EIF5B: variants seen among roughly 807,000 people sequenced by gnomAD.
EIF5B encodes eukaryotic translation initiation factor 5B.
A neutral mutation model predicts 147.5 loss-of-function variants in EIF5B; 47 were observed. The ratio of observed to expected loss-of-function variants is 0.32; its 90% CI spans 0.25 to 0.41. The LOEUF is 0.41. Ranked by LOEUF, EIF5B falls within the 10% of genes least tolerant of loss-of-function variation. EIF5B has a pLI of 1.00. For missense variants in EIF5B, 1,064 were observed against 1,413.2 expected (o/e 0.75, Z 3.96); for synonymous variants, 455 against 456.2 (o/e 1.00, Z 0.03).
At chr2:99,380,519 G>C (rs535602004) in intron 12 of EIF5B, among the ~76,000 whole-genome samples, 2 of 152,308 alleles carry the variant, frequency 1.3e-5, no homozygotes, top group South Asian at 4.1e-4. Context: ...CATTCATGCT[G>C]TCTGATATAG....
Position 99,368,667 on chromosome 2 carries a change from G to T in EIF5B, c.1387+76G>T, listed in dbSNP as rs1442459126. On this transcript the variant is annotated intron_variant, in intron 7 of 23. Transcript: ENST00000289371. ...CCCCACAATCTTCAAAACAGTGTCT[G>T]TAAAGAAGAAAGGAAAAAATCCGAA... 3.4e-6 allele frequency: 4 copies of T among 1,174,206 alleles called. No homozygotes were observed. The African/African-American group carries it at 6.3e-5, about 18-fold the overall frequency. 72.7% of individuals were successfully genotyped at this position (1,174,206 alleles called of 1,614,324 possible).
At chr2:99,349,369 C>T (rs1210898973) in intron 1 of EIF5B, among the ~76,000 whole-genome samples, 2 of 152,162 alleles carry the variant, frequency 1.3e-5, no homozygotes, top group Non-Finnish European at 1.5e-5. Context: ...ACATTCATTA[C>T]ACAAGTTTTC....
chr2:99,389,915 G>A, intron 15 of EIF5B, 66 bp downstream of exon 15: 1 of 1,502,358 alleles, frequency 6.7e-7, no homozygotes, highest in South Asian at 1.4e-5. Context: ...TCTTTATAAT[G>A]AAGTCAGCAT....
At chr2:99,376,182 AGTGTTAGT>A (rs1372047314) in intron 9 of EIF5B, among the ~76,000 whole-genome samples, 157 bp from the exon 10 acceptor site, 3 of 151,978 alleles carry the variant, frequency 2.0e-5, no homozygotes, top group African/African-American at 4.8e-5. Context: ...AGCTATTGTT[AGTGTTAGT>A]GTGTTAGTGT....
At chr2:99,379,508 G>A in intron 12 of EIF5B, 80 bp downstream of exon 12, 1 of 1,115,120 alleles carries the variant, frequency 9.0e-7, no homozygotes, top group Non-Finnish European at 1.3e-6. Flanking sequence ...AAAAAGGACA[G>A]AGACTAGGAT....
At position 99,343,670 on chromosome 2, in the gene EIF5B, C is replaced by T. The variant is rs186310320; in HGVS notation, c.35+6081C>T. Among the ~76,000 whole-genome samples, 159 of 151,622 alleles carry T rather than the reference C, an allele frequency of 1.0e-3. 1 individual carries two copies. The highest frequency in any genetic ancestry group is 3.7e-3 in the African/African-American group (155 of 41,378). Reference sequence around the variant, plus strand: ...TACTACTAAAAATACAAAAATTAGTCGGGTGTGGTAGCACGCGCCTGTAGT... The same window carrying T: ...TACTACTAAAAATACAAAAATTAGTTGGGTGTGGTAGCACGCGCCTGTAGT... On this transcript the variant is annotated intron_variant, in intron 1 of 23. Coordinates refer to ENST00000289371, the MANE Select transcript of EIF5B (RefSeq NM_015904.4).
chr2:99,354,475 C>G (rs1674049521), intron 1 of EIF5B, among the ~76,000 whole-genome samples: 2 of 152,098 alleles, frequency 1.3e-5, no homozygotes, highest in African/African-American at 4.8e-5. Context: ...CATTTTGTAG[C>G]TTGTTCTTCA....
Position 99,368,509 on chromosome 2 carries a change from A to G in EIF5B, c.1305A>G (p.Ser435=), listed in dbSNP as rs1290010603. The stretch of plus-strand genomic sequence containing the variant: ...ATCCCTCAGGTGTTGAAGTGCCATC[A>G]AAAGACTCTTTGCCAAAGAAGAGGC... ...LLQAQGVEVP[S]KDSLPKKRPI... Residue 435 remains serine, a synonymous_variant, in exon 7 of 24, where the codon TCA becomes TCG. Coordinates refer to ENST00000289371, the MANE Select transcript of EIF5B (RefSeq NM_015904.4). The G allele has an allele frequency of 1.9e-6, 3 of 1,613,784 alleles. No homozygotes were observed. The highest frequency in any genetic ancestry group is 1.7e-5 in the Admixed American group (1 of 60,002).
At chr2:99,368,685 A>T (rs1674377481) in intron 7 of EIF5B, 94 bp downstream of exon 7, 3 of 914,964 alleles carry the variant, frequency 3.3e-6, no homozygotes, top group Non-Finnish European at 5.1e-6. Context: ...GAAAGGAAAA[A>T]ATCCGAAATG....
chr2:99,379,194 T>A (rs1674639351), intron 11 of EIF5B, 68 bp downstream of exon 11: 1 of 1,431,962 alleles, frequency 7.0e-7, no homozygotes, highest in Non-Finnish European at 9.5e-7. Flanking sequence ...AAAAAAAAAC[T>A]TTAGAGACCA....
rs1675194409 is a variant in EIF5B at position 99,400,218 on chromosome 2, G to T, written c.*804G>T. Reference sequence around the variant, plus strand: ...GTAGAGATTTTTATACATTAATCTTGATCTGTTTTAATCTTGATCTGTTTT... The same window carrying T: ...GTAGAGATTTTTATACATTAATCTTTATCTGTTTTAATCTTGATCTGTTTT... On this transcript the variant is annotated 3_prime_UTR_variant, in exon 24 of 24. Coordinates refer to ENST00000289371, the MANE Select transcript of EIF5B (RefSeq NM_015904.4). 1 of 146,986 alleles carries T rather than the reference G, an allele frequency of 6.8e-6. No homozygotes were observed. The allele number at this position is 146,986 out of a possible 1,614,324, so 9.1% of individuals were successfully genotyped here.
Position 99,368,583 on chromosome 2 carries a change from G to T in EIF5B, c.1379G>T (p.Ser460Ile), listed in dbSNP as rs541177514. 6.2e-7 allele frequency: 1 copy of T among 1,611,584 alleles called. No individual in the cohort carries two copies. The highest frequency in any genetic ancestry group is 2.2e-5 in the East Asian group (1 of 44,756). The change falls in exon 7 of 24, where the codon AGT becomes ATT. Residue 460 changes from serine to isoleucine, a missense_variant. Ser to Ile is a moderately radical substitution (Grantham distance 142, BLOSUM62 -2). Coordinates refer to ENST00000289371, the MANE Select transcript of EIF5B (RefSeq NM_015904.4). ...AAAAAAATACCACAGCAGCTAGAAA[G>T]TAAAGAAGGTTTGTATACAAAATAG... is the stretch of plus-strand genomic sequence containing the variant. Reference protein sequence around the residue: ...KRKKIPQQLESKEVSESMELC... With the variant: ...KRKKIPQQLEIKEVSESMELC...
chr2:99,389,312 G>C (rs918171350), intron 14 of EIF5B, among the ~76,000 whole-genome samples: 1 of 152,102 alleles, frequency 6.6e-6, no homozygotes, highest in African/African-American at 2.4e-5. Context: ...ATTAAAATAG[G>C]CTGTTCCCTT....
rs907998911 is a variant in EIF5B, at chr2:99,396,961, C to T, written c.3393+63C>T. On this transcript the variant is annotated intron_variant, in intron 22 of 23. Transcript: ENST00000289371. The stretch of plus-strand genomic sequence containing the variant: ...AAGCACTAAATGAGTGTCCAAGAGT[C>T]GTACCAACACAGCTTTGTGCCTGTA... 5.4e-5 allele frequency: 83 copies of T among 1,531,216 alleles called. 1 individual carries two copies. The African/African-American group carries it at 9.1e-4, about 17-fold the overall frequency. 94.9% of individuals were successfully genotyped at this position (1,531,216 alleles called of 1,614,324 possible).
Position 99,379,015 on chromosome 2 carries a change from C to G in EIF5B, c.1843-4C>G. 6.9e-7 allele frequency: 1 copy of G among 1,443,568 alleles called. No individual in the cohort carries two copies. Among genetic ancestry groups the G allele is most frequent in the Non-Finnish European group, 9.1e-7 (1 of 1,094,680 alleles). The allele number at this position is 1,443,568 out of a possible 1,614,324, so 89.4% of individuals were successfully genotyped here. On this transcript the variant is annotated splice_region_variant and splice_polypyrimidine_tract_variant and intron_variant, in intron 10 of 23. Transcript: ENST00000289371. ...TTTTGATTTTTTTTTTTTTTTATTT[C>G]TAGAAACGGCGACTTGAACATAGTA...
chr2:99,392,873 T>C (rs1674965938), intron 17 of EIF5B, 94 bp from the exon 18 acceptor site: 5 of 1,170,056 alleles, frequency 4.3e-6, no homozygotes, highest in Non-Finnish European at 5.6e-6. Context: ...TTAAGAAACC[T>C]CTCTCTAATA....
intron 1 of EIF5B, among the ~76,000 whole-genome samples, chr2:99,339,205 G>T (rs185762984): frequency 0.012 from 1,867 of 151,488 alleles, 15 homozygotes; most frequent in South Asian, 0.02. Context: ...TAGAGACGGG[G>T]TTACTCCATG....
intron 22 of EIF5B, 100 bp downstream of exon 22, chr2:99,396,998 T>G (rs1437556062): frequency 1.3e-5 from 17 of 1,341,578 alleles, no homozygotes; most frequent in Non-Finnish European, 1.7e-5. Context: ...TTCACAGTAC[T>G]GTGCTGTGTA....
chr2:99,343,202 C>T (rs71413832), intron 1 of EIF5B, among the ~76,000 whole-genome samples: 7,870 of 151,712 alleles, frequency 0.052, 265 homozygotes, highest in Middle Eastern at 0.12. Context: ...GTGATCCATC[C>T]GTCTTGGCTT....
Sources: allele counts gnomAD v4.1 joint callset (sites outside exome capture counted in the v4.1 genomes callset), GRCh38; gene constraint gnomAD v4.1.1; transcripts MANE v1.5; gene names NCBI Gene and HGNC (gene_info 2026-07-23, HGNC 2026-07-21).